The following XKR4 variants were observed in gnomAD, a reference collection of about 807,000 sequenced individuals.
XKR4 encodes XK-related protein 4.
XKR4 carries 12 observed loss-of-function variants against 53.9 expected under a neutral mutation model. That is an observed-to-expected ratio of 0.22 (90% CI 0.14 to 0.36). The LOEUF (loss-of-function observed/expected upper bound fraction) is 0.36, where lower values mean the gene tolerates loss of function less well. Among genes scored for constraint, XKR4 ranks in the 10% least tolerant of loss-of-function variants. The pLI, the probability that XKR4 is intolerant of heterozygous loss-of-function variation, is 1.00. For synonymous variants in XKR4, 354 were observed against 362.4 expected, an observed-to-expected ratio of 0.98 and a Z score of 0.26; for missense variants, 799 against 859.5, an observed-to-expected ratio of 0.93 and a Z score of 0.88.
chr8:55,329,334 C>G (rs542907297), intron 1 of XKR4, among the ~76,000 whole-genome samples: 3 of 152,238 alleles, frequency 2.0e-5, no homozygotes, highest in African/African-American at 7.2e-5. Flanking sequence ...GCATTGCTGC[C>G]CAACACAAAT....
intron 2 of XKR4, among the ~76,000 whole-genome samples, chr8:55,434,882 C>T (rs1805152368): frequency 6.6e-6 from 1 of 152,202 alleles, no homozygotes; most frequent in East Asian, 1.9e-4. Flanking sequence ...CACACATGGC[C>T]AGCTCTCCCT....
At position 55,491,921 on chromosome 8, in the gene XKR4, CA is replaced by C. The variant is rs897762968; in HGVS notation, c.1007-31354del. ...TATGCATACATGGCAGAGCATTCAACAAAAAACTCAAGAGGATGCCGATGCA... is the reference window on the plus strand; with the variant it reads ...TATGCATACATGGCAGAGCATTCAACAAAAACTCAAGAGGATGCCGATGCA... On this transcript the variant is annotated intron_variant, in intron 2 of 2. Transcript: ENST00000327381. Among the ~76,000 whole-genome samples the C allele has an allele frequency of 9.9e-4, 151 of 152,294 alleles. 1 individual carries two copies. The highest frequency in any genetic ancestry group is 3.5e-3 in the African/African-American group (145 of 41,560).
At chr8:55,194,523 C>T (rs1291442897) in intron 1 of XKR4, among the ~76,000 whole-genome samples, 1 of 152,190 alleles carries the variant, frequency 6.6e-6, no homozygotes, top group Non-Finnish European at 1.5e-5. Context: ...TCGTAGCACA[C>T]TTTAAGGCAG....
rs2129349954 is a variant in XKR4 at position 55,102,264 on chromosome 8, G to A, written c.-225G>A. On this transcript the variant is annotated 5_prime_UTR_variant, in exon 1 of 3. Coordinates refer to ENST00000327381, the MANE Select transcript of XKR4 (RefSeq NM_052898.2). This position sits in a 1 kb window ranked among gnomAD's most constrained non-coding sequence, Gnocchi z 5.1. The stretch of plus-strand genomic sequence containing the variant: ...CAGCTTGGCTCCGCGCAGGCAGCCA[G>A]GCGGCGCTCCTGCCGGCCCCAGGCG... The A allele has an allele frequency of 2.5e-6, 1 of 407,040 alleles. No individual in the cohort carries two copies. The highest frequency in any genetic ancestry group is 1.7e-4 in the East Asian group (1 of 6,050). The allele number at this position is 407,040 out of a possible 1,614,324, so 25.2% of individuals were successfully genotyped here.
At chr8:55,489,142 C>T (rs1806237155) in intron 2 of XKR4, among the ~76,000 whole-genome samples, 1 of 152,122 alleles carries the variant, frequency 6.6e-6, no homozygotes, top group African/African-American at 2.4e-5. Flanking sequence ...AAACAGTAGG[C>T]TTTCGTTAAA....
intron 1 of XKR4, among the ~76,000 whole-genome samples, chr8:55,348,567 A>C (rs927713060): frequency 6.6e-6 from 1 of 152,152 alleles, no homozygotes. Flanking sequence ...CAGTGTCAGA[A>C]GTGGACATGG....
intron 2 of XKR4, chr8:55,452,071 G>A (rs964307510): frequency 4.3e-6 from 3 of 705,186 alleles, no homozygotes; most frequent in South Asian, 1.6e-5. Context: ...TTGGTGACTC[G>A]GGGTGGCTGG....
At chr8:55,217,562 T>TA (rs1373908827) in intron 1 of XKR4, among the ~76,000 whole-genome samples, 2 of 152,178 alleles carry the variant, frequency 1.3e-5, no homozygotes, top group Non-Finnish European at 2.9e-5. Flanking sequence ...CCTGAGGGAA[T>TA]ATATAGCCCA....
chr8:55,229,237 C>G (rs776432853), intron 1 of XKR4, among the ~76,000 whole-genome samples: 5 of 152,202 alleles, frequency 3.3e-5, no homozygotes, highest in Non-Finnish European at 5.9e-5. Flanking sequence ...CAGCACTACC[C>G]ATCCGCCCTG....
At chr8:55,268,012 T>A (rs1818635787) in intron 1 of XKR4, among the ~76,000 whole-genome samples, 1 of 152,214 alleles carries the variant, frequency 6.6e-6, no homozygotes, top group African/African-American at 2.4e-5. Context: ...CATATGGAAA[T>A]GAAAGATTAA....
At chr8:55,428,110 T>C (rs1317520930) in intron 2 of XKR4, among the ~76,000 whole-genome samples, 2 of 152,218 alleles carry the variant, frequency 1.3e-5, no homozygotes, top group African/African-American at 4.8e-5. Context: ...GACTTCTGCA[T>C]CCAGGAAGAT....
At chr8:55,204,556 T>C (rs1817617996) in intron 1 of XKR4, among the ~76,000 whole-genome samples, 1 of 152,176 alleles carries the variant, frequency 6.6e-6, no homozygotes. Context: ...TGCCAGTTTA[T>C]ACCCACGTAG....
rs2129349927 is a variant in XKR4 at position 55,102,045 on chromosome 8, C to A, written c.-444C>A. Among the ~76,000 whole-genome samples the A allele has an allele frequency of 6.6e-6, 1 of 152,178 alleles. No individual in the cohort carries two copies. Among genetic ancestry groups the A allele is most frequent in the Admixed American group, 6.5e-5 (1 of 15,294 alleles). On this transcript the variant is annotated 5_prime_UTR_variant, in exon 1 of 3. Coordinates refer to ENST00000327381, the MANE Select transcript of XKR4 (RefSeq NM_052898.2). The surrounding 1 kb of genome is among the most constrained non-coding windows in gnomAD (Gnocchi z 5.1). ...ATGAGGTCATCCTCTCCCTCGGAGT[C>A]AGCTGGTGGAGGAGAGGAAGCGGGA...
chr8:55,399,048 C>T lies in XKR4; in HGVS notation c.1006+41171C>T, dbSNP rs188839490. ...CACCACAGCACTGTATTTCTCATTC[C>T]TCTGAATACCTCTAAGGAAGATTTT... On this transcript the variant is annotated intron_variant, in intron 2 of 2. Transcript: ENST00000327381. 2.6e-5 allele frequency among the ~76,000 whole-genome samples: 4 copies of T among 152,290 alleles called. No homozygotes were observed. In the East Asian group the frequency reaches 7.7e-4, roughly 29 times the overall value.
At chr8:55,260,486 C>T (rs1048975608) in intron 1 of XKR4, among the ~76,000 whole-genome samples, 6 of 152,126 alleles carry the variant, frequency 3.9e-5, no homozygotes, top group African/African-American at 9.7e-5. Flanking sequence ...CGTTGCCTCA[C>T]GCCAAGGAAA....
chr8:55,346,172 A>G (rs1585531752), intron 1 of XKR4, among the ~76,000 whole-genome samples: 1 of 145,804 alleles, frequency 6.9e-6, no homozygotes, highest in South Asian at 2.1e-4. Flanking sequence ...TGCAACCTCC[A>G]CCTCCTGGGT....
At chr8:55,207,270 C>T (rs1454147162) in intron 1 of XKR4, among the ~76,000 whole-genome samples, 1 of 152,188 alleles carries the variant, frequency 6.6e-6, no homozygotes, top group Non-Finnish European at 1.5e-5. Flanking sequence ...TGACCGGTGA[C>T]CTGCCCAACA....
intron 1 of XKR4, among the ~76,000 whole-genome samples, chr8:55,312,270 T>C (rs552504058): frequency 6.6e-6 from 1 of 152,176 alleles, no homozygotes; most frequent in African/African-American, 2.4e-5. Flanking sequence ...TAGAGGTTAC[T>C]AAACCATTTC....
chr8:55,452,992 G>T (rs1805478852), intron 2 of XKR4: 1 of 690,106 alleles, frequency 1.4e-6, no homozygotes, highest in Non-Finnish European at 2.7e-6. Context: ...AGGCACCACT[G>T]CTCAGAAGCC....
Sources: gnomAD v4.1 joint callset for allele counts (sites outside exome capture counted in the v4.1 genomes callset) on GRCh38, gnomAD v4.1.1 for gene constraint, Gnocchi (gnomAD v3.1) non-coding constraint, MANE v1.5 for transcripts, NCBI Gene and HGNC (gene_info 2026-07-23, HGNC 2026-07-21) for gene names.